The following MGAM2 variants were observed in gnomAD, a reference collection of about 807,000 sequenced individuals.
The protein encoded by MGAM2 is probable maltase-glucoamylase 2.
In MGAM2, 98 loss-of-function variants were observed where a neutral mutation model predicts 96.1. The ratio of observed to expected loss-of-function variants is 1.02; its 90% confidence interval spans 0.87 to 1.21. The LOEUF is 1.21. MGAM2 is among the 50% of genes most tolerant of loss of function. MGAM2 has a pLI of 0.00. For synonymous variants in MGAM2, 749 were observed against 414.8 expected (o/e 1.81, Z -9.79); for missense variants, 2,055 against 1,182.4 (o/e 1.74, Z -10.82).
At chr7:142,205,429 C>A (rs1010554457) in intron 45 of MGAM2, among the ~76,000 whole-genome samples, 10 of 152,054 alleles carry the variant, frequency 6.6e-5, no homozygotes, top group African/African-American at 2.4e-4. Context: ...TCTCAATCAG[C>A]AGTGTATGAG....
intron 14 of MGAM2, among the ~76,000 whole-genome samples, chr7:142,146,504 A>T (rs1314420293): frequency 6.6e-6 from 1 of 152,062 alleles, no homozygotes; most frequent in Non-Finnish European, 1.5e-5. Context: ...TGGTCCCACC[A>T]CTTTCTGGAA....
intron 45 of MGAM2, among the ~76,000 whole-genome samples, chr7:142,204,124 T>C (rs1356917431): frequency 6.6e-6 from 1 of 152,082 alleles, no homozygotes; most frequent in African/African-American, 2.4e-5. Context: ...TCTAGCTCTA[T>C]ATAATTACCA....
chr7:142,182,608 A>G (rs1796577099), intron 32 of MGAM2, among the ~76,000 whole-genome samples: 1 of 152,166 alleles, frequency 6.6e-6, no homozygotes, highest in Non-Finnish European at 1.5e-5. Flanking sequence ...TCTCTTGCCA[A>G]TTCAAATGTC....
intron 12 of MGAM2, among the ~76,000 whole-genome samples, chr7:142,143,179 C>A (rs1795283799): frequency 1.3e-5 from 2 of 152,028 alleles, no homozygotes; most frequent in South Asian, 4.2e-4. Flanking sequence ...AACTGGTATC[C>A]TTTTAATTAA....
rs1046817872 is a variant in MGAM2 at position 142,159,272 on chromosome 7, T to C, written c.2164-15T>C. 4.1e-5 allele frequency: 29 copies of C among 701,856 alleles called. No individual in the cohort carries two copies. In the African/African-American group the frequency reaches 4.5e-4, roughly 11 times the overall value. 43.5% of individuals were successfully genotyped at this position (701,856 alleles called of 1,614,324 possible). On this transcript the variant is annotated splice_polypyrimidine_tract_variant and intron_variant, in intron 19 of 47. Coordinates refer to ENST00000477922, the MANE Select transcript of MGAM2 (RefSeq NM_001293626.2). ...AGGGGTATGCTAATGCTACTCATTA[T>C]TGTTGTTTACCTAGGGTGTGGACGA...
chr7:142,218,230 A>G (rs1797822770), intron 46 of MGAM2, 131 bp from the exon 47 acceptor site: 2 of 480,998 alleles, frequency 4.2e-6, no homozygotes, highest in African/African-American at 3.9e-5. Flanking sequence ...ATCAATAAAA[A>G]TTTAAATACA....
Position 142,122,633 on chromosome 7 carries a change from A to T in MGAM2, c.186+2252A>T. On this transcript the variant is annotated intron_variant, in intron 3 of 47. Coordinates refer to ENST00000477922, the MANE Select transcript of MGAM2 (RefSeq NM_001293626.2). ...AATGGAATCACATAGCGTAGTGTAA[A>T]GCCTCTTTCATTCAGCACATTTTTG... Among the ~76,000 whole-genome samples, 2 of 152,220 alleles carry T rather than the reference A, an allele frequency of 1.3e-5. 1 individual carries two copies. Among genetic ancestry groups the T allele is most frequent in the South Asian group, 4.1e-4 (2 of 4,834 alleles).
chr7:142,183,352 C>A lies in MGAM2; in HGVS notation c.3903C>A (p.Thr1301=). Residue 1301 remains threonine (T), a synonymous_variant, in exon 33 of 48, where the codon ACC becomes ACA. Transcript: ENST00000477922. ...ACGTGTTCATCAAATGGCCTGACAC[C>A]AATGACATTGTCTGGGGAAAGGTAA... is the stretch of plus-strand genomic sequence containing the variant. ...ENNVFIKWPD[T]NDIVWGKVWP... 1 of 702,968 alleles carries A rather than the reference C, an allele frequency of 1.4e-6. No individual in the cohort carries two copies. Among genetic ancestry groups the A allele is most frequent in the South Asian group, 1.5e-5 (1 of 67,558 alleles). 43.5% of individuals were successfully genotyped at this position (702,968 alleles called of 1,614,324 possible).
intron 25 of MGAM2, 126 bp from the exon 26 acceptor site, chr7:142,167,142 G>A: frequency 1.7e-6 from 1 of 575,332 alleles, no homozygotes; most frequent in Non-Finnish European, 3.1e-6. Flanking sequence ...TTTTTTAGGG[G>A]ACACAATTCA....
intron 9 of MGAM2, among the ~76,000 whole-genome samples, chr7:142,138,259 C>G (rs554552917): frequency 2.0e-5 from 3 of 152,344 alleles, no homozygotes; most frequent in Admixed American, 1.3e-4. Context: ...CCTTGCCACA[C>G]TGTGAACAAA....
At chr7:142,187,506 A>G (rs1186973774) in intron 35 of MGAM2, among the ~76,000 whole-genome samples, 1 of 152,258 alleles carries the variant, frequency 6.6e-6, no homozygotes, top group Non-Finnish European at 1.5e-5. Flanking sequence ...ATGCCAGGTA[A>G]GCAAGGAGTT....
At chr7:142,207,359 T>C (rs2129103959) in intron 45 of MGAM2, among the ~76,000 whole-genome samples, 1 of 152,272 alleles carries the variant, frequency 6.6e-6, no homozygotes, top group Admixed American at 6.5e-5. Flanking sequence ...GATGTAAGAT[T>C]GAATTATGAG....
intron 2 of MGAM2, among the ~76,000 whole-genome samples, chr7:142,119,418 C>G (rs1211246748): frequency 6.6e-6 from 1 of 152,074 alleles, no homozygotes; most frequent in Admixed American, 6.5e-5. Context: ...CAGATAAAAA[C>G]AAGTGTTGTT....
chr7:142,156,900 G>A (rs1336250670), intron 17 of MGAM2, among the ~76,000 whole-genome samples: 1 of 152,096 alleles, frequency 6.6e-6, no homozygotes, highest in East Asian at 1.9e-4. Flanking sequence ...AATGAATGCC[G>A]ACCATTGACG....
chr7:142,170,983 C>T (rs1026487505), intron 27 of MGAM2, among the ~76,000 whole-genome samples: 5 of 152,128 alleles, frequency 3.3e-5, no homozygotes, highest in Non-Finnish European at 7.4e-5. Context: ...AGCTGATATT[C>T]CAGGCACTGA....
intron 45 of MGAM2, 87 bp from the exon 46 acceptor site, chr7:142,208,486 G>A: frequency 1.5e-6 from 1 of 687,398 alleles, no homozygotes; most frequent in South Asian, 1.6e-5. Flanking sequence ...ACCCCATTGA[G>A]AGTGTGGTTT....
intron 45 of MGAM2, among the ~76,000 whole-genome samples, chr7:142,207,718 C>T (rs754985162): frequency 2.0e-5 from 3 of 152,190 alleles, no homozygotes; most frequent in Admixed American, 6.5e-5. Flanking sequence ...CGTGAGCCAC[C>T]GCGCCCAGCC....
chr7:142,128,721 G>T (rs1380778036), intron 3 of MGAM2, among the ~76,000 whole-genome samples: 1 of 152,208 alleles, frequency 6.6e-6, no homozygotes, highest in African/African-American at 2.4e-5. Context: ...GTCAAGCACC[G>T]AGGTATAGGA....
chr7:142,163,201 C>G (rs147975809), intron 23 of MGAM2, among the ~76,000 whole-genome samples: 39 of 152,246 alleles, frequency 2.6e-4, no homozygotes, highest in African/African-American at 8.9e-4. Flanking sequence ...TGGGATGGCT[C>G]CAGTCATGAG....
Sources: gnomAD v4.1 joint callset for allele counts (sites outside exome capture counted in the v4.1 genomes callset) on GRCh38, gnomAD v4.1.1 for gene constraint, MANE v1.5 for transcripts, NCBI Gene and HGNC (gene_info 2026-07-23, HGNC 2026-07-21) for gene names.